Variants in KDM5C observed in about 807,000 individuals in gnomAD.
The protein encoded by KDM5C is lysine-specific demethylase 5C.
KDM5C carries 16 observed loss-of-function variants against 110.6 expected under a neutral mutation model. The ratio of observed to expected loss-of-function variants is 0.14; its 90% confidence interval spans 0.10 to 0.22. The LOEUF is 0.22. Among genes scored for constraint, KDM5C ranks in the 10% least tolerant of loss-of-function variants. The pLI, the probability that KDM5C is intolerant of heterozygous loss-of-function variation, is 1.00. For missense variants in KDM5C, 681 were observed against 1,300.9 expected (o/e 0.52, Z 7.33); for synonymous variants, 511 against 520.4 (o/e 0.98, Z 0.24).
chrX:53,204,610 C>T (rs1447096618), intron 12 of KDM5C, among the ~76,000 whole-genome samples: 1 of 110,980 alleles, frequency 9.0e-6, no homozygotes, highest in Non-Finnish European at 1.9e-5. Flanking sequence ...CATTCTCCTG[C>T]CTCAGCCTCC....
At chrX:53,186,990 T>A (rs1556828341), downstream of KDM5C, among the ~76,000 whole-genome samples, 1 of 112,380 alleles carries the variant, frequency 8.9e-6, no homozygotes, top group Non-Finnish European at 1.9e-5. Context: ...GAGAGTCCAC[T>A]GCAGAAGAGG....
In KDM5C at chrX:53,215,888, G is replaced by A; in HGVS notation, c.870C>T (p.Thr290=). ...DVKVESTSPK[T]FLESKEELSH... is the part of the protein sequence containing the mutation. ...TCAGCTCCTCCTTGCTCTCCAGGAAGGTCTTAGGCGATGTTGACTCCACCT... is the reference window on the plus strand; with the variant it reads ...TCAGCTCCTCCTTGCTCTCCAGGAAAGTCTTAGGCGATGTTGACTCCACCT... Residue 290 remains threonine, a synonymous_variant, in exon 7 of 26, where the codon ACC becomes ACT. Transcript: ENST00000375401. 9.9e-6 allele frequency: 12 copies of A among 1,211,428 alleles called. No homozygotes were observed. The highest frequency in any genetic ancestry group is 1.3e-5 in the Non-Finnish European group (12 of 895,123).
At chrX:53,182,177 C>G (rs964201625) in intron 25 of KDM5C, among the ~76,000 whole-genome samples, 4 of 104,769 alleles carry the variant, frequency 3.8e-5, no homozygotes, top group Non-Finnish European at 7.8e-5. Context: ...CTCCGCCTCC[C>G]GATTTCAAGT....
At chrX:53,215,197 G>A (rs1556851129) in intron 7 of KDM5C, 1 of 386,062 alleles carries the variant, frequency 2.6e-6, no homozygotes, top group South Asian at 2.5e-5. Context: ...AGGGCACTGT[G>A]GGAGCCTAGA....
intron 8 of KDM5C, among the ~76,000 whole-genome samples, chrX:53,213,330 G>C (rs1556849972): frequency 1.8e-5 from 2 of 111,855 alleles, no homozygotes; most frequent in African/African-American, 6.5e-5. Context: ...AGGCCAATAT[G>C]CACTGCCCTG....
downstream of KDM5C, among the ~76,000 whole-genome samples, chrX:53,187,164 C>G (rs1556828399): frequency 9.0e-6 from 1 of 111,294 alleles, no homozygotes; most frequent in Non-Finnish European, 1.9e-5. Context: ...CACGACCAAT[C>G]TGGCTATAAG....
At chrX:53,184,246 A>AT (rs1181897286) in intron 25 of KDM5C, among the ~76,000 whole-genome samples, 2 of 110,307 alleles carry the variant, frequency 1.8e-5, no homozygotes, top group African/African-American at 6.6e-5. Context: ...TGCCTTTTTT[A>AT]TTTTTTTAAG....
chrX:53,197,993 A>C, intron 17 of KDM5C, 117 bp from the exon 18 acceptor site: 3 of 597,555 alleles, frequency 5.0e-6, no homozygotes, highest in Non-Finnish European at 8.3e-6. Context: ...CGCATATTTC[A>C]AATTTGCCCC....
intron 1 of KDM5C, among the ~76,000 whole-genome samples, chrX:53,223,810 T>G (rs1380691463): frequency 9.0e-6 from 1 of 111,518 alleles, no homozygotes; most frequent in Non-Finnish European, 1.9e-5. Flanking sequence ...CTCTGGGATC[T>G]CCTACATCCT....
At position 53,194,679 on chromosome X, in the gene KDM5C, G is replaced by C. The variant is rs782499686; in HGVS notation, c.3498C>G (p.Arg1166=). The stretch of plus-strand genomic sequence containing the variant: ...GTGGACTGGGCTTGGCCGAATTGGT[G>C]CGACGCAGCTGCAGGATACCCTCCT... ...KEKEGILQLR[R]TNSAKPSPLA... is the part of the protein sequence containing the mutation. The change falls in exon 23 of 26, where the codon CGC becomes CGG. Residue 1166 remains arginine, a synonymous_variant. Transcript: ENST00000375401. The C allele has an allele frequency of 8.3e-7, 1 of 1,211,343 alleles. No homozygotes were observed. Among genetic ancestry groups the C allele is most frequent in the Admixed American group, 2.2e-5 (1 of 46,058 alleles).
rs1556834139 is a variant in KDM5C at position 53,194,411 on chromosome X, C to T, written c.3766G>A (p.Glu1256Lys). 8.3e-7 allele frequency: 1 copy of T among 1,211,467 alleles called. No individual in the cohort carries two copies. The highest frequency in any genetic ancestry group is 1.1e-6 in the Non-Finnish European group (1 of 895,121). Residue 1256 changes from glutamate (E) to lysine (K), a missense_variant, in exon 23 of 26, where the codon GAG (glutamate) becomes AAG (lysine). Physicochemically the swap from Glu to Lys is moderately conservative, Grantham distance 56 (BLOSUM62 1). Transcript: ENST00000375401. ...GCTACCAGCAGTGCCAGGATGGTCT[C>T]CAGGCGCGGGCGCCTTGAGCGCATA... ...LCMRSRRPRL[E>K]TILALLVALQ... is the part of the protein sequence containing the mutation.
At chrX:53,214,586 A>C in intron 8 of KDM5C, 103 bp downstream of exon 8, 1 of 975,542 alleles carries the variant, frequency 1.0e-6, no homozygotes, top group Non-Finnish European at 1.4e-6. Flanking sequence ...ACAGAGACCC[A>C]AAACCTAAGA....
chrX:53,184,659 G>A (rs188576551), intron 25 of KDM5C, among the ~76,000 whole-genome samples: 89 of 112,268 alleles, frequency 7.9e-4, no homozygotes, highest in Non-Finnish European at 1.4e-3. Context: ...GCATTCCTAA[G>A]ATAAATCCCA....
intron 25 of KDM5C, among the ~76,000 whole-genome samples, chrX:53,177,846 G>T (rs1933922243): frequency 8.9e-6 from 1 of 111,745 alleles, no homozygotes; most frequent in South Asian, 3.7e-4. Flanking sequence ...CTTTGGCTCA[G>T]ATCAAAATGT....
intron 8 of KDM5C, chrX:53,212,553 C>G (rs1160838055): frequency 1.8e-5 from 2 of 113,060 alleles, no homozygotes; most frequent in African/African-American, 6.7e-5. Context: ...ATCCGCCCGC[C>G]TTGGCCTCCC....
intron 14 of KDM5C, chrX:53,201,172 G>A: frequency 4.5e-6 from 1 of 221,960 alleles, no homozygotes; most frequent in Non-Finnish European, 8.3e-6. Context: ...ACTTGATACA[G>A]TCACCTAGAT....
rs1176852224 is a variant in KDM5C, at chrX:53,224,979, C to T, written c.-90G>A. On this transcript the variant is annotated 5_prime_UTR_variant, in exon 1 of 26. Coordinates refer to ENST00000375401, the MANE Select transcript of KDM5C (RefSeq NM_004187.5). The stretch of plus-strand genomic sequence containing the variant: ...GCCGCTGTTTGAAGCCGAGGCAATG[C>T]TCGGAGGCTAGGCCCTAAGCGGGGC... 6.6e-6 allele frequency: 7 copies of T among 1,059,387 alleles called. No individual in the cohort carries two copies. Among genetic ancestry groups the T allele is most frequent in the Non-Finnish European group, 8.7e-6 (7 of 802,280 alleles). 87.3% of individuals were successfully genotyped at this position (1,059,387 alleles called of 1,213,427 possible).
chrX:53,218,123 A>T (rs1451168298), intron 3 of KDM5C, among the ~76,000 whole-genome samples, 153 bp downstream of exon 3: 1 of 111,697 alleles, frequency 9.0e-6, no homozygotes. Context: ...GCAGCAAAAG[A>T]TTCCAAGATG....
At chrX:53,221,007 A>C in intron 1 of KDM5C, 91 bp from the exon 2 acceptor site, 2 of 735,007 alleles carry the variant, frequency 2.7e-6, no homozygotes. Flanking sequence ...TCCCACTGGC[A>C]CCTTCCCAAA....
Sources: gnomAD v4.1 joint callset for allele counts (sites outside exome capture counted in the v4.1 genomes callset) on GRCh38, gnomAD v4.1.1 for gene constraint, MANE v1.5 for transcripts, NCBI Gene and HGNC (gene_info 2026-07-23, HGNC 2026-07-21) for gene names.